RANBP2: variants seen among roughly 807,000 people sequenced by gnomAD.
The protein encoded by RANBP2 is E3 SUMO-protein ligase RanBP2.
Under a neutral mutation model 303.6 loss-of-function variants are expected in RANBP2, and 57 were observed. The observed-to-expected ratio is 0.19, with a 90% CI of 0.15 to 0.23. The LOEUF (loss-of-function observed/expected upper bound fraction) is 0.23. Among genes scored for constraint, RANBP2 ranks in the 10% least tolerant of loss-of-function variants. The pLI is 1.00. For synonymous variants in RANBP2, 1,167 were observed against 1,301.5 expected (o/e 0.90, Z 2.23); for missense variants, 3,138 against 3,780.8 (o/e 0.83, Z 4.46).
chr2:109,659,564 T>C, the RANBP2 span, among the ~76,000 whole-genome samples: 1 of 152,082 alleles, frequency 6.6e-6, no homozygotes, highest in Non-Finnish European at 1.5e-5. Context: ...GGACAGATGG[T>C]GGGCTAGGCT....
the RANBP2 span, among the ~76,000 whole-genome samples, chr2:109,431,102 C>T: frequency 1.3e-5 from 2 of 152,220 alleles, no homozygotes; most frequent in African/African-American, 2.4e-5. Flanking sequence ...CTTGAGCCCT[C>T]GTGAGCTGCA....
chr2:109,116,961 C>A, the RANBP2 span, among the ~76,000 whole-genome samples: 3 of 152,206 alleles, frequency 2.0e-5, no homozygotes, highest in Non-Finnish European at 4.4e-5. Context: ...TCATGAACCT[C>A]GAATGCTGCT....
the RANBP2 span, among the ~76,000 whole-genome samples, chr2:109,101,187 AT>A: frequency 6.6e-6 from 1 of 152,114 alleles, no homozygotes; most frequent in Non-Finnish European, 1.5e-5. Flanking sequence ...TAGTTCATGC[AT>A]TGCCTTGGAC....
the RANBP2 span, among the ~76,000 whole-genome samples, chr2:108,831,386 A>G: frequency 6.2e-4 from 95 of 152,332 alleles, no homozygotes; most frequent in Admixed American, 3.6e-3. Flanking sequence ...AAATATGCCA[A>G]ATCTTTTGAA....
At chr2:109,559,952 G>C in the RANBP2 span, among the ~76,000 whole-genome samples, 1 of 125,442 alleles carries the variant, frequency 8.0e-6, no homozygotes, top group South Asian at 2.5e-4. Flanking sequence ...ATGGGGTCTC[G>C]CTCTGTCACC....
the RANBP2 span, among the ~76,000 whole-genome samples, chr2:108,845,951 T>G: frequency 6.6e-6 from 1 of 152,202 alleles, no homozygotes; most frequent in Non-Finnish European, 1.5e-5. Context: ...CTATTTCTAT[T>G]TTGCCCATTT....
At chr2:109,121,417 G>A in the RANBP2 span, among the ~76,000 whole-genome samples, 1 of 152,160 alleles carries the variant, frequency 6.6e-6, no homozygotes, top group African/African-American at 2.4e-5. Flanking sequence ...TATTTACACC[G>A]CAATTACCTA....
In RANBP2 at chr2:108,749,642, A is replaced by G. The variant is rs529339072; in HGVS notation, c.1273+513A>G. Among the ~76,000 whole-genome samples, 9 of 152,014 alleles carry G rather than the reference A, an allele frequency of 5.9e-5. No individual in the cohort carries two copies. The East Asian group carries it at 1.6e-3, about 26-fold the overall frequency. ...GGTCTCGCTGTGTCACCTGGGCTGG[A>G]GTGTAGTGGCATGATCGTAGGTCAC... On this transcript the variant is annotated intron_variant, in intron 9 of 28. Transcript: ENST00000283195.
the RANBP2 span, among the ~76,000 whole-genome samples, chr2:109,027,613 C>T: frequency 2.6e-5 from 4 of 152,168 alleles, no homozygotes; most frequent in African/African-American, 9.7e-5. Flanking sequence ...TGACAGACCT[C>T]ACAGGGTTAT....
rs1677070579 is a variant in RANBP2 at position 108,765,730 on chromosome 2, A to G, written c.5191A>G (p.Ser1731Gly). Residue 1731 changes from serine to glycine, a missense_variant, in exon 20 of 29, where the codon AGT becomes GGT. By Grantham distance (56) the Ser-to-Gly change is moderately conservative. This residue lies in a region of RANBP2 where 348 missense variants were observed against 360.4 expected (regional missense o/e 0.97). Transcript: ENST00000283195. ...FTKKEGQWDC[S>G]VCLVRNEASA... ...TAAGAAGGAAGGACAGTGGGATTGC[A>G]GTGTGTGCTTAGTAAGAAATGAAGC... The G allele has an allele frequency of 2.5e-6, 4 of 1,613,806 alleles. No individual in the cohort carries two copies. Among genetic ancestry groups the G allele is most frequent in the African/African-American group, 2.7e-5 (2 of 74,854 alleles).
At chr2:109,089,442 TA>T in the RANBP2 span, among the ~76,000 whole-genome samples, 4,230 of 142,982 alleles carry the variant, frequency 0.03, 74 homozygotes, top group South Asian at 0.06. Context: ...CATCTCTATT[TA>T]AAAAAAAAAA....
chr2:108,755,592 C>T (rs1411145786), intron 17 of RANBP2, among the ~76,000 whole-genome samples: 1 of 151,628 alleles, frequency 6.6e-6, no homozygotes, highest in African/African-American at 2.4e-5. Flanking sequence ...TGGGATTTTG[C>T]CATGTTGCCC....
At chr2:109,169,660 A>G in the RANBP2 span, among the ~76,000 whole-genome samples, 1 of 152,150 alleles carries the variant, frequency 6.6e-6, no homozygotes, top group Non-Finnish European at 1.5e-5. Context: ...ATTTGAACAT[A>G]GCATGTGTTT....
the RANBP2 span, among the ~76,000 whole-genome samples, chr2:109,220,324 A>G: frequency 6.6e-6 from 1 of 152,340 alleles, no homozygotes; most frequent in African/African-American, 2.4e-5. Flanking sequence ...TAAAACTGTT[A>G]TAAGAATACA....
chr2:109,011,010 A>G, the RANBP2 span, among the ~76,000 whole-genome samples: 2 of 152,262 alleles, frequency 1.3e-5, no homozygotes, highest in South Asian at 4.1e-4. Flanking sequence ...AGTCTCATGC[A>G]AGGTGTCTCT....
the RANBP2 span, chr2:109,617,728 T>C: frequency 6.0e-6 from 1 of 166,844 alleles, no homozygotes. Flanking sequence ...TGTTTAAAGA[T>C]GGATGAAAGG....
At chr2:108,723,272 C>T (rs1694422938) in intron 1 of RANBP2, among the ~76,000 whole-genome samples, 1 of 151,212 alleles carries the variant, frequency 6.6e-6, no homozygotes, top group Non-Finnish European at 1.5e-5. Flanking sequence ...CCATTTTAGA[C>T]ATTTTCTTTT....
At position 108,764,208 on chromosome 2, in the gene RANBP2, G is replaced by A. The variant is rs1268470757; in HGVS notation, c.3669G>A (p.Arg1223=). ...GGATTGGCAATGTAAAAATACTGAG[G>A]CATAAAACATCTGGTAAAATTCGCC... The part of the protein sequence containing the change: ...ERGIGNVKIL[R]HKTSGKIRLL... Residue 1223 remains arginine, a synonymous_variant, in exon 20 of 29, where the codon AGG becomes AGA. Transcript: ENST00000283195. The A allele has an allele frequency of 1.2e-6, 2 of 1,613,890 alleles. No homozygotes were observed. The highest frequency in any genetic ancestry group is 1.7e-6 in the Non-Finnish European group (2 of 1,179,982).
the RANBP2 span, among the ~76,000 whole-genome samples, chr2:109,562,965 C>T: frequency 6.6e-6 from 1 of 151,412 alleles, no homozygotes; most frequent in Admixed American, 6.6e-5. Flanking sequence ...GGTTGGAGTG[C>T]AGTGGCACGA....
Sources: allele counts gnomAD v4.1 joint callset (sites outside exome capture counted in the v4.1 genomes callset), GRCh38; gene constraint gnomAD v4.1.1; regional missense constraint gnomAD v4.1.1; transcripts MANE v1.5; gene names NCBI Gene and HGNC (gene_info 2026-07-23, HGNC 2026-07-21).